GJA9: variants seen among roughly 807,000 people sequenced by gnomAD.
The protein encoded by GJA9 is gap junction alpha-9 protein.
GJA9 carries 1 observed loss-of-function variant against 0.4 expected under a neutral mutation model. The observed-to-expected ratio is 2.50, with a 90% confidence interval of 0.89 to 11.88. The LOEUF (loss-of-function observed/expected upper bound fraction) is 11.88. Among genes scored for constraint, GJA9 ranks in the 30% most tolerant of loss-of-function variants. The probability of loss-of-function intolerance (pLI) is 0.12; values close to 1 mark genes in which losing one functional copy is unlikely to be tolerated. For missense variants in GJA9, 550 were observed against 602.8 expected (o/e 0.91, Z 0.92); for synonymous variants, 190 against 219.1 (o/e 0.87, Z 1.17).
intron 1 of GJA9, 60 bp from the exon 2 acceptor site, chr1:38,876,253 A>G (rs1642585952): frequency 1.5e-6 from 1 of 658,342 alleles, no homozygotes; most frequent in East Asian, 2.7e-5. Context: ...CTTTTTCCCT[A>G]GATAGCTGTG....
In GJA9 at chr1:38,878,079, CT is replaced by C. The variant is rs201133423; in HGVS notation, c.-95-1887del. Reference sequence around the variant, plus strand: ...TACTATGAAAAAGTATACTTTTTTTCTTTTTTTTTGGTGGGGGGAGACAGAG... The same window carrying C: ...TACTATGAAAAAGTATACTTTTTTTCTTTTTTTTGGTGGGGGGAGACAGAG... On this transcript the variant is annotated intron_variant, in intron 1 of 1. Coordinates refer to ENST00000357771, the MANE Select transcript of GJA9 (RefSeq NM_030772.5). Among the ~76,000 whole-genome samples the C allele has an allele frequency of 2.6e-3, 343 of 130,604 alleles. 1 individual carries two copies. The Middle Eastern group carries it at 0.053, about 20-fold the overall frequency. The allele number at this position is 130,604 out of a possible 152,430, so 85.7% of individuals were successfully genotyped here. A position where few individuals can be genotyped will look rare whatever the true frequency, so the allele number is the denominator to read the frequency against.
rs1642550824 is a variant in GJA9 at position 38,874,824 on chromosome 1, T to C, written c.1275A>G (p.Thr425=). 6.2e-7 allele frequency: 1 copy of C among 1,614,178 alleles called. No individual in the cohort carries two copies. Among genetic ancestry groups the C allele is most frequent in the Non-Finnish European group, 8.5e-7 (1 of 1,180,030 alleles). Residue 425 remains threonine, a synonymous_variant, in exon 2 of 2, where the codon ACA becomes ACG. Coordinates refer to ENST00000357771, the MANE Select transcript of GJA9 (RefSeq NM_030772.5). ...TTTCATGTTCTGTAGAGGAACCCCA[T>C]GTAGCTCTAAGCCACCGCGGTTTCC... ...CDWKPRWLRA[T]WGSSTEHENR...
chr1:38,879,817 C>T (rs548335603), intron 1 of GJA9, among the ~76,000 whole-genome samples: 2 of 152,076 alleles, frequency 1.3e-5, no homozygotes, highest in Non-Finnish European at 2.9e-5. Flanking sequence ...AGCTCCGCCT[C>T]CCGGGTTCAC....
chr1:38,879,415 ATGT>A (rs1021473569), intron 1 of GJA9, among the ~76,000 whole-genome samples: 2 of 152,216 alleles, frequency 1.3e-5, no homozygotes, highest in African/African-American at 2.4e-5. Flanking sequence ...TGCGGTAAGT[ATGT>A]TGTTTCCCCC....
chr1:38,880,899 A>G (rs1190766679), intron 1 of GJA9, among the ~76,000 whole-genome samples: 1 of 152,224 alleles, frequency 6.6e-6, no homozygotes, highest in Non-Finnish European at 1.5e-5. Context: ...AACATAAAAT[A>G]ATAATACAAG....
At chr1:38,877,359 A>G (rs1279791125) in intron 1 of GJA9, among the ~76,000 whole-genome samples, 2 of 152,102 alleles carry the variant, frequency 1.3e-5, no homozygotes, top group East Asian at 3.9e-4. Context: ...TTTCAACAGA[A>G]CTTTTGGAAA....
At chr1:38,881,310 C>T in intron 1 of GJA9, 122 bp downstream of exon 1, 1 of 506,076 alleles carries the variant, frequency 2.0e-6, no homozygotes, top group Admixed American at 3.6e-5. Flanking sequence ...TTAAAGCTTT[C>T]ATAGCAAATG....
chr1:38,874,356 A>G lies in GJA9; in HGVS notation c.*195T>C, dbSNP rs934938091. On this transcript the variant is annotated 3_prime_UTR_variant, in exon 2 of 2. Transcript: ENST00000357771. ...AAAAAAAAAAAATCCTGATTTGACA[A>G]CTCTATGTCTTTGAATTTAGAAGTG... is the stretch of plus-strand genomic sequence containing the variant. 3.8e-6 allele frequency: 2 copies of G among 526,326 alleles called. No homozygotes were observed. The highest frequency in any genetic ancestry group is 3.0e-5 in the South Asian group (1 of 33,596). 32.6% of individuals were successfully genotyped at this position (526,326 alleles called of 1,614,324 possible).
chr1:38,876,188 G>A lies in GJA9; in HGVS notation c.-90C>T. The A allele has an allele frequency of 1.0e-6, 1 of 1,002,046 alleles. No homozygotes were observed. The highest frequency in any genetic ancestry group is 1.5e-6 in the Non-Finnish European group (1 of 660,312). The allele number at this position is 1,002,046 out of a possible 1,614,324, so 62.1% of individuals were successfully genotyped here. ...TCTGAAGGGAGCACTATTTCTTAAA[G>A]CAAACCTATGGTGAAAATATAACAA... On this transcript the variant is annotated 5_prime_UTR_variant, in exon 2 of 2. Coordinates refer to ENST00000357771, the MANE Select transcript of GJA9 (RefSeq NM_030772.5).
intron 1 of GJA9, among the ~76,000 whole-genome samples, chr1:38,877,936 T>A (rs1478917399): frequency 6.6e-6 from 1 of 152,250 alleles, no homozygotes; most frequent in African/African-American, 2.4e-5. Flanking sequence ...TTAGTTTTTT[T>A]AATCCAAATT....
Position 38,874,349 on chromosome 1 carries a change from T to G in GJA9, c.*202A>C. 1 of 512,804 alleles carries G rather than the reference T, an allele frequency of 2.0e-6. No homozygotes were observed. Among genetic ancestry groups the G allele is most frequent in the Non-Finnish European group, 3.4e-6 (1 of 292,662 alleles). The allele number at this position is 512,804 out of a possible 1,614,324, so 31.8% of individuals were successfully genotyped here. On this transcript the variant is annotated 3_prime_UTR_variant, in exon 2 of 2. Transcript: ENST00000357771. ...TCATTTAAAAAAAAAAAAATCCTGATTTGACAACTCTATGTCTTTGAATTT... is the reference window on the plus strand; with the variant it reads ...TCATTTAAAAAAAAAAAAATCCTGAGTTGACAACTCTATGTCTTTGAATTT...
At position 38,875,191 on chromosome 1, in the gene GJA9, G is replaced by A. The variant is rs759502314; in HGVS notation, c.908C>T (p.Ser303Phe). 1 of 1,614,010 alleles carries A rather than the reference G, an allele frequency of 6.2e-7. No individual in the cohort carries two copies. Among genetic ancestry groups the A allele is most frequent in the African/African-American group, 1.3e-5 (1 of 74,936 alleles). The change falls in exon 2 of 2, where the codon TCT becomes TTT. Residue 303 changes from serine (S) to phenylalanine (F), a missense_variant. Coordinates refer to ENST00000357771, the MANE Select transcript of GJA9 (RefSeq NM_030772.5). ...GTCAGGATTTGGCTGGAATACAGAA[G>A]ATGAATTTAAACTAGGGTACACTGC... ...HTAVYPSLNS[S>F]SVFQPNPDNH...
rs1030499677 is a variant in GJA9, at chr1:38,875,819, C to T, written c.280G>A (p.Gly94Ser). The T allele has an allele frequency of 2.5e-6, 4 of 1,614,156 alleles. No homozygotes were observed. Among genetic ancestry groups the T allele is most frequent in the Non-Finnish European group, 3.4e-6 (4 of 1,180,044 alleles). Residue 94 changes from glycine to serine, a missense_variant, in exon 2 of 2, where the codon GGC (glycine) becomes AGC (serine). Gly to Ser is a moderately conservative substitution (Grantham distance 56). Transcript: ENST00000357771. ...ACTCTCAGTCGGTACAATGCATGGC[C>T]CATGTAGACCAGGGATGGTGAAGAC... ...FVSSPSLVYMGHALYRLRVLE... is the reference protein window; with the variant it reads ...FVSSPSLVYMSHALYRLRVLE...
intron 1 of GJA9, among the ~76,000 whole-genome samples, chr1:38,880,917 G>T (rs543868546): frequency 2.0e-5 from 3 of 152,078 alleles, no homozygotes; most frequent in Admixed American, 2.0e-4. Flanking sequence ...AAGAAAAACT[G>T]GTTAAATAAT....
At position 38,874,108 on chromosome 1, in the gene GJA9, T is replaced by A. The variant is rs2124271648; in HGVS notation, c.*443A>T. The stretch of plus-strand genomic sequence containing the variant: ...TATTTACTAGGTAGCAACATGTGAT[T>A]ATACTCAAGACACATCAGGATGCCA... On this transcript the variant is annotated 3_prime_UTR_variant, in exon 2 of 2. Transcript: ENST00000357771. 1 of 360,996 alleles carries A rather than the reference T, an allele frequency of 2.8e-6. No individual in the cohort carries two copies. Among genetic ancestry groups the A allele is most frequent in the Middle Eastern group, 1.0e-3 (1 of 996 alleles). 22.4% of individuals were successfully genotyped at this position (360,996 alleles called of 1,614,324 possible).
chr1:38,877,265 C>T, intron 1 of GJA9, among the ~76,000 whole-genome samples: 1 of 143,392 alleles, frequency 7.0e-6, no homozygotes, highest in East Asian at 2.2e-4. Flanking sequence ...TCTCGAACTC[C>T]TGACCTCAGG....
chr1:38,880,413 A>AAAAAAAAAAAAT (rs1408571116), intron 1 of GJA9, among the ~76,000 whole-genome samples: 32 of 119,780 alleles, frequency 2.7e-4, no homozygotes, highest in Non-Finnish European at 4.5e-4. Flanking sequence ...AAAAAAAAAT[A>AAAAAAAAAAAAT]AATAATAATA....
Position 38,875,652 on chromosome 1 carries a change from G to C in GJA9, c.447C>G (p.Leu149=), listed in dbSNP as rs375468847. The C allele has an allele frequency of 6.2e-7, 1 of 1,614,212 alleles. No homozygotes were observed. The highest frequency in any genetic ancestry group is 8.5e-7 in the Non-Finnish European group (1 of 1,180,044). ...CATAAGTGCAAAGCAAGGTTCCTCTGAGTGGAGCTTTATTTAGTTTCCTTT... is the reference window on the plus strand; with the variant it reads ...CATAAGTGCAAAGCAAGGTTCCTCTCAGTGGAGCTTTATTTAGTTTCCTTT... ...LEKRKLNKAP[L]RGTLLCTYVI... is the part of the protein sequence containing the mutation. Residue 149 remains leucine (L), a synonymous_variant, in exon 2 of 2, where the codon CTC becomes CTG. Transcript: ENST00000357771.
chr1:38,880,413 A>AAAAAAAAAAAAAAT (rs1408571116), intron 1 of GJA9, among the ~76,000 whole-genome samples: 2 of 119,790 alleles, frequency 1.7e-5, no homozygotes, highest in Non-Finnish European at 3.6e-5. Context: ...AAAAAAAAAT[A>AAAAAAAAAAAAAAT]AATAATAATA....
Sources: gnomAD v4.1 joint callset for allele counts (sites outside exome capture counted in the v4.1 genomes callset) on GRCh38, gnomAD v4.1.1 for gene constraint, MANE v1.5 for transcripts, NCBI Gene and HGNC (gene_info 2026-07-23, HGNC 2026-07-21) for gene names.